Variants in SYTL2 observed in about 807,000 individuals in gnomAD.
SYTL2 encodes the protein synaptotagmin-like protein 2.
In SYTL2, 165 loss-of-function variants were observed where a neutral mutation model predicts 198.7. The observed-to-expected ratio is 0.83, with a 90% CI of 0.73 to 0.94. SYTL2 has a LOEUF of 0.94. Ranked by LOEUF, SYTL2 falls within the 40% of genes least tolerant of loss-of-function variation. The probability of loss-of-function intolerance (pLI) is 0.00; values close to 1 mark genes in which losing one functional copy is unlikely to be tolerated. For synonymous variants in SYTL2, 966 were observed against 917.7 expected, an observed-to-expected ratio of 1.05 and a Z score of -0.95; for missense variants, 2,835 against 2,582.8, an observed-to-expected ratio of 1.10 and a Z score of -2.12.
At position 85,745,271 on chromosome 11, in the gene SYTL2, A is replaced by T. The variant is rs1387414972; in HGVS notation, c.389+366T>A. Reference sequence around the variant, plus strand: ...CATTGCACTAGGCTGTTACAATCTGATCATAGTTTATCTTTTCCCTGAAAT... The same window carrying T: ...CATTGCACTAGGCTGTTACAATCTGTTCATAGTTTATCTTTTCCCTGAAAT... On this transcript the variant is annotated intron_variant, in intron 4 of 19. Coordinates refer to ENST00000359152, the MANE Select transcript of SYTL2 (RefSeq NM_206927.4). Among the ~76,000 whole-genome samples, 3 of 152,146 alleles carry T rather than the reference A, an allele frequency of 2.0e-5. No homozygotes were observed. In the East Asian group the frequency reaches 5.8e-4, roughly 29 times the overall value.
At chr11:85,769,718 G>C (rs1431016196) in intron 1 of SYTL2, among the ~76,000 whole-genome samples, 2 of 152,282 alleles carry the variant, frequency 1.3e-5, no homozygotes, top group Middle Eastern at 3.4e-3. Context: ...CTGAAGAAGA[G>C]ACCCAAAGCC....
chr11:85,723,812 G>A (rs1456773975), intron 8 of SYTL2, among the ~76,000 whole-genome samples: 5 of 149,894 alleles, frequency 3.3e-5, no homozygotes, highest in African/African-American at 1.2e-4. Context: ...ACACAGAAGT[G>A]GTAAGAAGAA....
chr11:85,845,749 C>T, the SYTL2 span, among the ~76,000 whole-genome samples: 2 of 151,562 alleles, frequency 1.3e-5, no homozygotes, highest in Admixed American at 6.6e-5. Flanking sequence ...TCTACTAATA[C>T]ACACACACAC....
chr11:85,789,344 A>ATATATATATATATATATATATATG (rs1566025934), intron 1 of SYTL2, among the ~76,000 whole-genome samples: 12 of 18,656 alleles, frequency 6.4e-4, no homozygotes, highest in Non-Finnish European at 1.4e-3. Flanking sequence ...GTGTGTGTAT[A>ATATATATATATATATATATATATG]TATATATATA....
intron 8 of SYTL2, among the ~76,000 whole-genome samples, chr11:85,722,789 T>C (rs1339031492): frequency 6.6e-5 from 10 of 152,106 alleles, no homozygotes. Context: ...TAGAGATTGA[T>C]ATTTCAATTT....
chr11:85,780,613 C>G (rs1450678816), intron 1 of SYTL2, among the ~76,000 whole-genome samples: 1 of 152,234 alleles, frequency 6.6e-6, no homozygotes. Flanking sequence ...CACATGGAAG[C>G]TCCATGCCCC....
At chr11:85,736,985 C>T (rs2090394306) in intron 5 of SYTL2, among the ~76,000 whole-genome samples, 1 of 152,134 alleles carries the variant, frequency 6.6e-6, no homozygotes, top group South Asian at 2.1e-4. Flanking sequence ...TTCTACCATA[C>T]CAGACTCTCA....
intron 18 of SYTL2, 39 bp downstream of exon 18, chr11:85,697,940 C>T: frequency 6.6e-6 from 9 of 1,356,846 alleles, no homozygotes; most frequent in Non-Finnish European, 9.5e-6. Context: ...AAAGACCAGG[C>T]TACAGAACTG....
At chr11:85,722,170 ATTTTTTTTTTTTTTTT>A (rs574669583) in intron 8 of SYTL2, among the ~76,000 whole-genome samples, 1 of 94,634 alleles carries the variant, frequency 1.1e-5, no homozygotes, top group Admixed American at 1.1e-4. Context: ...TGTTTAGGTG[ATTTTTTTTTTTTTTTT>A]TTTTTTTTTT....
chr11:85,766,259 T>C (rs538240209), intron 1 of SYTL2, among the ~76,000 whole-genome samples: 12 of 152,138 alleles, frequency 7.9e-5, no homozygotes, highest in Non-Finnish European at 1.5e-4. Context: ...TCTTGATAAA[T>C]GTGCTAGAAC....
the SYTL2 span, among the ~76,000 whole-genome samples, chr11:85,824,034 C>A: frequency 4.6e-5 from 7 of 152,216 alleles, no homozygotes; most frequent in Admixed American, 2.6e-4. Flanking sequence ...CAGGCCACCA[C>A]ACTGCCACCC....
At chr11:85,813,481 C>A (rs905987688), upstream of SYTL2, among the ~76,000 whole-genome samples, 1 of 152,076 alleles carries the variant, frequency 6.6e-6, no homozygotes, top group South Asian at 2.1e-4. Flanking sequence ...CCATAGGAAC[C>A]CTTCAAAATG....
intron 1 of SYTL2, among the ~76,000 whole-genome samples, chr11:85,770,218 A>G (rs1196733273): frequency 6.6e-6 from 1 of 152,160 alleles, no homozygotes; most frequent in Non-Finnish European, 1.5e-5. Context: ...GTACATCCTC[A>G]TAAGTAACTC....
At position 85,779,826 on chromosome 11, in the gene SYTL2, A is replaced by G. The variant is rs541913465; in HGVS notation, c.-389-21712T>C. Among the ~76,000 whole-genome samples, 6 of 152,332 alleles carry G rather than the reference A, an allele frequency of 3.9e-5. No individual in the cohort carries two copies. In the South Asian group the frequency reaches 1.2e-3, roughly 32 times the overall value. On this transcript the variant is annotated intron_variant, in intron 1 of 19. Transcript: ENST00000359152. ...TACTGTGTGAGAAGACTTGTTAGGTACATCTCACTGAAGAGAGGGGCCATG... is the reference window on the plus strand; with the variant it reads ...TACTGTGTGAGAAGACTTGTTAGGTGCATCTCACTGAAGAGAGGGGCCATG...
chr11:85,795,801 A>G (rs2092795557), intron 1 of SYTL2, among the ~76,000 whole-genome samples: 1 of 152,048 alleles, frequency 6.6e-6, no homozygotes, highest in Non-Finnish European at 1.5e-5. Context: ...CTCTGAAATC[A>G]GCAAACTGAC....
Position 85,694,542 on chromosome 11 carries a change from C to T in SYTL2, c.*653G>A, listed in dbSNP as rs1227757482. 6.6e-6 allele frequency: 1 copy of T among 152,076 alleles called. No homozygotes were observed. Among genetic ancestry groups the T allele is most frequent in the African/African-American group, 2.4e-5 (1 of 41,420 alleles). 9.4% of individuals were successfully genotyped at this position (152,076 alleles called of 1,614,324 possible). On this transcript the variant is annotated 3_prime_UTR_variant, in exon 20 of 20. Transcript: ENST00000359152. ...ATTTTAGAATTAAGTCAAAACAAGC[C>T]AACAACTGAATTGTACCTATGGCCA... is the stretch of plus-strand genomic sequence containing the variant.
At chr11:85,852,309 C>G in the SYTL2 span, among the ~76,000 whole-genome samples, 1 of 152,184 alleles carries the variant, frequency 6.6e-6, no homozygotes, top group Non-Finnish European at 1.5e-5. Context: ...AATGTAACTA[C>G]CAGGACATAG....
intron 11 of SYTL2, among the ~76,000 whole-genome samples, chr11:85,715,614 G>A (rs546980248): frequency 3.9e-5 from 6 of 152,002 alleles, no homozygotes; most frequent in African/African-American, 7.2e-5. Flanking sequence ...TTAGCTACAC[G>A]TACTAAAGAT....
chr11:85,832,993 C>T, the SYTL2 span, among the ~76,000 whole-genome samples: 1 of 101,694 alleles, frequency 9.8e-6, no homozygotes, highest in Non-Finnish European at 2.0e-5. Context: ...GAGACCCTGT[C>T]TCAAAAAAAA....
Sources: gnomAD v4.1 joint callset for allele counts (sites outside exome capture counted in the v4.1 genomes callset) on GRCh38, gnomAD v4.1.1 for gene constraint, MANE v1.5 for transcripts, NCBI Gene and HGNC (gene_info 2026-07-23, HGNC 2026-07-21) for gene names.